GPHN: variants seen among roughly 807,000 people sequenced by gnomAD.
GPHN encodes gephyrin.
A neutral mutation model predicts 95.5 loss-of-function variants in GPHN; 17 were observed. The ratio of observed to expected loss-of-function variants is 0.18; its 90% CI spans 0.12 to 0.27. The LOEUF (loss-of-function observed/expected upper bound fraction) is 0.27, where lower values mean the gene tolerates loss of function less well. Among genes scored for constraint, GPHN ranks in the 10% least tolerant of loss-of-function variants. The pLI, the probability that GPHN is intolerant of heterozygous loss-of-function variation, is 1.00. For synonymous variants in GPHN, 320 were observed against 322.5 expected (o/e 0.99, Z 0.08); for missense variants, 660 against 978.1 (o/e 0.67, Z 4.34).
chr14:67,713,724 G>T, the GPHN span, among the ~76,000 whole-genome samples: 190 of 152,310 alleles, frequency 1.2e-3, no homozygotes, highest in African/African-American at 4.3e-3. Context: ...GCCTCAGGAG[G>T]TCCTGACGAC....
the GPHN span, among the ~76,000 whole-genome samples, chr14:67,512,105 A>T: frequency 6.6e-6 from 1 of 152,204 alleles, no homozygotes; most frequent in Non-Finnish European, 1.5e-5. Context: ...TAACCTATGG[A>T]TCTACTCGGG....
the GPHN span, among the ~76,000 whole-genome samples, chr14:67,276,319 G>C: frequency 1.3e-4 from 20 of 152,094 alleles, no homozygotes; most frequent in Non-Finnish European, 2.5e-4. Context: ...TCTGTTTTCT[G>C]AAAGTGCCAT....
chr14:66,930,058 A>C (rs1217033769), intron 8 of GPHN, among the ~76,000 whole-genome samples: 14 of 152,102 alleles, frequency 9.2e-5, no homozygotes. Context: ...TGACCAACAG[A>C]TTGTTAGGTC....
intron 19 of GPHN, 70 bp from the exon 20 acceptor site, chr14:67,165,092 C>G (rs1422237020): frequency 1.4e-5 from 14 of 1,030,414 alleles, no homozygotes; most frequent in Admixed American, 1.0e-4. Context: ...ATTACAAAAA[C>G]ACTGGAGTAC....
chr14:67,138,589 A>G (rs893723748), intron 17 of GPHN, among the ~76,000 whole-genome samples: 2 of 152,220 alleles, frequency 1.3e-5, no homozygotes, highest in Admixed American at 1.3e-4. Context: ...TATGAAGTAA[A>G]TATTGGAAAA....
chr14:66,802,730 G>T (rs1346153925), intron 3 of GPHN, among the ~76,000 whole-genome samples: 2 of 152,086 alleles, frequency 1.3e-5, no homozygotes, highest in African/African-American at 4.8e-5. Flanking sequence ...TCTGGTCCAG[G>T]GTGTATCTAG....
chr14:67,114,613 T>A (rs539656440), intron 16 of GPHN, among the ~76,000 whole-genome samples: 8 of 152,206 alleles, frequency 5.3e-5, no homozygotes, highest in African/African-American at 1.9e-4. Flanking sequence ...TCACTTGAGC[T>A]CAAGAATTCA....
the GPHN span, chr14:67,729,436 C>G: frequency 1.3e-6 from 2 of 1,532,980 alleles, no homozygotes; most frequent in East Asian, 2.2e-5. Context: ...AGGTGCCGGA[C>G]TCGCTGGGCT....
the GPHN span, chr14:67,586,965 G>A: frequency 6.5e-7 from 1 of 1,540,702 alleles, no homozygotes; most frequent in South Asian, 1.2e-5. Context: ...TATTTTAAGA[G>A]ATTAAATAAA....
At chr14:67,090,887 AG>A (rs2077121201) in intron 12 of GPHN, among the ~76,000 whole-genome samples, 1 of 151,910 alleles carries the variant, frequency 6.6e-6, no homozygotes, top group Non-Finnish European at 1.5e-5. Flanking sequence ...TTACCCCAGC[AG>A]GTTGTTGTAA....
At chr14:67,263,094 T>C in the GPHN span, among the ~76,000 whole-genome samples, 5 of 152,356 alleles carry the variant, frequency 3.3e-5, no homozygotes, top group African/African-American at 4.8e-5. Context: ...GTTTCTGCCA[T>C]GAGCGTGTGG....
intron 12 of GPHN, among the ~76,000 whole-genome samples, chr14:67,095,489 T>C (rs1264263780): frequency 1.3e-5 from 2 of 152,194 alleles, no homozygotes; most frequent in Non-Finnish European, 2.9e-5. Context: ...CGTATGTTTA[T>C]TGTGGCACTA....
At chr14:67,661,716 G>C in the GPHN span, among the ~76,000 whole-genome samples, 1 of 147,404 alleles carries the variant, frequency 6.8e-6, no homozygotes, top group African/African-American at 2.5e-5. Flanking sequence ...TTGTTTGGTA[G>C]AGATGGGGGG....
At chr14:66,662,681 G>T (rs910421401) in intron 1 of GPHN, among the ~76,000 whole-genome samples, 4 of 152,204 alleles carry the variant, frequency 2.6e-5, no homozygotes, top group African/African-American at 9.6e-5. Flanking sequence ...TGTTCATTCT[G>T]CTACAGCTGC....
At chr14:66,514,185 T>C (rs2058149712) in intron 1 of GPHN, among the ~76,000 whole-genome samples, 1 of 152,016 alleles carries the variant, frequency 6.6e-6, no homozygotes, top group African/African-American at 2.4e-5. Context: ...AATATTAAGA[T>C]AAGCATAAGT....
chr14:66,691,266 C>T (rs1188191849), intron 2 of GPHN, among the ~76,000 whole-genome samples: 2 of 151,948 alleles, frequency 1.3e-5, no homozygotes, highest in Admixed American at 6.6e-5. Context: ...CTCACTGCAA[C>T]GACCGCCTCC....
intron 2 of GPHN, among the ~76,000 whole-genome samples, chr14:66,774,151 C>G (rs551687695): frequency 1.8e-4 from 27 of 151,754 alleles, no homozygotes; most frequent in Admixed American, 9.2e-4. Context: ...TGCAGGCGCC[C>G]ACCACCACAC....
At chr14:67,272,144 AC>A in the GPHN span, 2 of 151,568 alleles carry the variant, frequency 1.3e-5, no homozygotes, top group African/African-American at 4.9e-5. Context: ...TATACAAATC[AC>A]TCCTCTTTTT....
chr14:67,169,168 CCT>C (rs528689633), intron 21 of GPHN, 132 bp downstream of exon 21: 24 of 698,274 alleles, frequency 3.4e-5, no homozygotes, highest in Admixed American at 1.3e-4. Flanking sequence ...ATATTCTCCC[CCT>C]GTGTACTAGA....
Sources: gnomAD v4.1 joint callset for allele counts (sites outside exome capture counted in the v4.1 genomes callset) on GRCh38, gnomAD v4.1.1 for gene constraint, MANE v1.5 for transcripts, NCBI Gene and HGNC (gene_info 2026-07-23, HGNC 2026-07-21) for gene names.